IQGAP2: variants seen among roughly 807,000 people sequenced by gnomAD.
IQGAP2 encodes IQ motif containing GTPase activating protein 2, also known as ras GTPase-activating-like protein IQGAP2.
IQGAP2 carries 173 observed loss-of-function variants against 201.3 expected under a neutral mutation model. That is an observed-to-expected ratio of 0.86 (90% confidence interval 0.76 to 0.98). The LOEUF (loss-of-function observed/expected upper bound fraction) is 0.98, where lower values mean the gene tolerates loss of function less well. Among genes scored for constraint, IQGAP2 ranks in the 50% least tolerant of loss-of-function variants. The pLI, the probability that IQGAP2 is intolerant of heterozygous loss-of-function variation, is 0.00. For synonymous variants in IQGAP2, 675 were observed against 673.9 expected (o/e 1.00, Z -0.03); for missense variants, 1,687 against 1,864.8 (o/e 0.90, Z 1.76).
intron 1 of IQGAP2, among the ~76,000 whole-genome samples, chr5:76,458,968 G>A (rs965757096): frequency 3.9e-5 from 6 of 152,128 alleles, no homozygotes; most frequent in African/African-American, 1.2e-4. Flanking sequence ...GGAGTTTACT[G>A]TTAACCAAAG....
intron 2 of IQGAP2, among the ~76,000 whole-genome samples, chr5:76,483,812 G>A (rs1242158517): frequency 1.3e-5 from 2 of 152,186 alleles, no homozygotes; most frequent in Non-Finnish European, 2.9e-5. Context: ...CCCACCCCAT[G>A]CCAGCCAAGC....
chr5:76,430,702 A>G (rs532955830), intron 1 of IQGAP2, among the ~76,000 whole-genome samples: 6 of 152,224 alleles, frequency 3.9e-5, no homozygotes, highest in African/African-American at 1.4e-4. Flanking sequence ...GAAAAAGCAC[A>G]TAAGCCATTT....
intron 2 of IQGAP2, among the ~76,000 whole-genome samples, chr5:76,492,260 G>A (rs1487056764): frequency 6.6e-6 from 1 of 152,190 alleles, no homozygotes; most frequent in Non-Finnish European, 1.5e-5. Context: ...ACAGAGCACA[G>A]CATGCACCTG....
chr5:76,407,171 G>T (rs1010134896), intron 1 of IQGAP2, among the ~76,000 whole-genome samples: 3 of 151,878 alleles, frequency 2.0e-5, no homozygotes, highest in African/African-American at 4.8e-5. Flanking sequence ...TGTAGAGATG[G>T]GTTTTCACCA....
At chr5:76,498,488 G>T (rs991374498) in intron 2 of IQGAP2, among the ~76,000 whole-genome samples, 1 of 152,176 alleles carries the variant, frequency 6.6e-6, no homozygotes, top group African/African-American at 2.4e-5. Context: ...TCAGGCAGGA[G>T]CTGTGGTGAA....
chr5:76,618,387 A>G lies in IQGAP2; in HGVS notation c.1521+7204A>G, dbSNP rs780515349. 3.1e-6 allele frequency: 5 copies of G among 1,614,112 alleles called. No homozygotes were observed. The African/African-American group carries it at 4.0e-5, about 13-fold the overall frequency. ...GGTCACAGCATTGGCCGGGACACCAACTACAAACACCAGGAGGTAGATGGC... is the reference window on the plus strand; with the variant it reads ...GGTCACAGCATTGGCCGGGACACCAGCTACAAACACCAGGAGGTAGATGGC... On this transcript the variant is annotated intron_variant, in intron 13 of 35. Transcript: ENST00000274364.
intron 1 of IQGAP2, among the ~76,000 whole-genome samples, chr5:76,414,312 AAT>A (rs1751299090): frequency 6.6e-6 from 1 of 152,062 alleles, no homozygotes; most frequent in Non-Finnish European, 1.5e-5. Context: ...AGCCTCATGA[AAT>A]ATGACTCCCC....
chr5:76,697,923 C>G (rs934577270), intron 32 of IQGAP2, 64 bp from the exon 33 acceptor site: 17 of 1,289,846 alleles, frequency 1.3e-5, no homozygotes, highest in Non-Finnish European at 1.9e-5. Context: ...CTTCTTGTCC[C>G]AAACTGGCAA....
At chr5:76,589,239 G>A (rs374572614) in intron 6 of IQGAP2, among the ~76,000 whole-genome samples, 2 of 151,548 alleles carry the variant, frequency 1.3e-5, no homozygotes, top group African/African-American at 4.9e-5. Flanking sequence ...GTGAACCTGG[G>A]AGGCGGAGCT....
At chr5:76,581,637 C>T (rs963247666) in intron 5 of IQGAP2, among the ~76,000 whole-genome samples, 58 of 152,146 alleles carry the variant, frequency 3.8e-4, no homozygotes, top group South Asian at 4.1e-4. Context: ...ATACAGCTTA[C>T]GTGCTATTGA....
At chr5:76,436,687 T>C (rs182984311) in intron 1 of IQGAP2, among the ~76,000 whole-genome samples, 2,876 of 150,540 alleles carry the variant, frequency 0.019, 104 homozygotes, top group African/African-American at 0.065. Flanking sequence ...TGTGCCACCA[T>C]GCCCAGCTAA....
intron 14 of IQGAP2, among the ~76,000 whole-genome samples, chr5:76,630,039 G>A (rs919265403): frequency 1.3e-5 from 2 of 152,120 alleles, no homozygotes; most frequent in Non-Finnish European, 2.9e-5. Flanking sequence ...TGAGCCTGTT[G>A]ATTCTTTTCT....
intron 4 of IQGAP2, 48 bp downstream of exon 4, chr5:76,570,705 T>G: frequency 4.2e-4 from 505 of 1,196,258 alleles, no homozygotes; most frequent in Non-Finnish European, 5.8e-4. Flanking sequence ...AAAGGGGTAG[T>G]ACACAAACAT....
chr5:76,403,306 G>A lies in IQGAP2; in HGVS notation c.-240G>A, dbSNP rs971157421. ...AAGGAAACCTGCTGCGGGAGGCGGC[G>A]GCGACCGGCCAGGGAGCGAGGGAGG... is the stretch of plus-strand genomic sequence containing the variant. On this transcript the variant is annotated 5_prime_UTR_variant, in exon 1 of 36. Transcript: ENST00000274364. This position sits in a 1 kb window ranked among gnomAD's most constrained non-coding sequence, Gnocchi z 4.8. 2.3e-5 allele frequency: 8 copies of A among 354,888 alleles called. No individual in the cohort carries two copies. The highest frequency in any genetic ancestry group is 2.5e-5 in the Non-Finnish European group (5 of 198,840). 22.0% of individuals were successfully genotyped at this position (354,888 alleles called of 1,614,324 possible).
intron 2 of IQGAP2, among the ~76,000 whole-genome samples, chr5:76,520,700 CT>C (rs5868829): frequency 4.7e-4 from 51 of 109,222 alleles, no homozygotes; most frequent in Non-Finnish European, 6.9e-4. Flanking sequence ...GGTCTCTCCT[CT>C]TTTTTTTTTT....
Position 76,698,137 on chromosome 5 carries a change from T to C in IQGAP2, c.4357T>C (p.Leu1453=). 6.3e-7 allele frequency: 1 copy of C among 1,582,612 alleles called. No individual in the cohort carries two copies. Among genetic ancestry groups the C allele is most frequent in the Non-Finnish European group, 8.6e-7 (1 of 1,158,382 alleles). Residue 1453 remains leucine (L), a synonymous_variant, in exon 33 of 36, where the codon TTA becomes CTA. Coordinates refer to ENST00000274364, the MANE Select transcript of IQGAP2 (RefSeq NM_006633.5). ...DTYIKTCLDN[L]KRKNTRRSIK... ...CTACATAAAGACTTGTTTAGACAACTTAAAAAGAAAGTAAGTTAAAATCAT... is the reference window on the plus strand; with the variant it reads ...CTACATAAAGACTTGTTTAGACAACCTAAAAAGAAAGTAAGTTAAAATCAT...
In IQGAP2 at chr5:76,657,590, A is replaced by G. The variant is rs77911991; in HGVS notation, c.2321-869A>G. Reference sequence around the variant, plus strand: ...CAACTAATGAGATGGCCATGGCTGGACTAGCTCTTCCAAGTCATCTTTCTA... The same window carrying G: ...CAACTAATGAGATGGCCATGGCTGGGCTAGCTCTTCCAAGTCATCTTTCTA... On this transcript the variant is annotated intron_variant, in intron 20 of 35. Coordinates refer to ENST00000274364, the MANE Select transcript of IQGAP2 (RefSeq NM_006633.5). Among the ~76,000 whole-genome samples, 156 of 152,320 alleles carry G rather than the reference A, an allele frequency of 1.0e-3. 2 individuals carry two copies. The highest frequency in any genetic ancestry group is 3.6e-3 in the African/African-American group (149 of 41,566).
Position 76,597,910 on chromosome 5 carries a change from C to T in IQGAP2, c.1071+308C>T, listed in dbSNP as rs188704815. Among the ~76,000 whole-genome samples, 6 of 152,064 alleles carry T rather than the reference C, an allele frequency of 3.9e-5. No homozygotes were observed. The South Asian group carries it at 6.2e-4, about 16-fold the overall frequency. On this transcript the variant is annotated intron_variant, in intron 10 of 35. Transcript: ENST00000274364. ...CACCTTGGATAAATTTTAGCTATAC[C>T]GATGTGGTATTTTTTTTACAATATA...
chr5:76,444,593 C>T (rs1399066329), intron 1 of IQGAP2, among the ~76,000 whole-genome samples: 2 of 152,222 alleles, frequency 1.3e-5, no homozygotes, highest in Non-Finnish European at 2.9e-5. Flanking sequence ...GCCACTGTGC[C>T]TGGCCAAAAT....
Sources: gnomAD v4.1 joint callset for allele counts (sites outside exome capture counted in the v4.1 genomes callset) on GRCh38, gnomAD v4.1.1 for gene constraint, Gnocchi (gnomAD v3.1) non-coding constraint, MANE v1.5 for transcripts, NCBI Gene and HGNC (gene_info 2026-07-23, HGNC 2026-07-21) for gene names.